MOV10L1: variants seen among roughly 807,000 people sequenced by gnomAD.
The protein encoded by MOV10L1 is Mov10 like RNA helicase 1.
Under a neutral mutation model 143.8 loss-of-function variants are expected in MOV10L1, and 110 were observed. The observed-to-expected ratio is 0.76, with a 90% CI of 0.66 to 0.90. The LOEUF is 0.90. Ranked by LOEUF, MOV10L1 falls within the 40% of genes least tolerant of loss-of-function variation. MOV10L1 has a pLI of 0.00. For missense variants in MOV10L1, 1,406 were observed against 1,526.8 expected (o/e 0.92, Z 1.32); for synonymous variants, 593 against 581.1 (o/e 1.02, Z -0.29).
At chr22:50,148,623 A>G (rs2063214786) in intron 19 of MOV10L1, among the ~76,000 whole-genome samples, 1 of 151,298 alleles carries the variant, frequency 6.6e-6, no homozygotes, top group Admixed American at 6.6e-5. Flanking sequence ...AGGGGCCAGA[A>G]TTGTGGGGAG....
chr22:50,146,061 G>A (rs1245742212), intron 19 of MOV10L1, among the ~76,000 whole-genome samples: 10 of 152,148 alleles, frequency 6.6e-5, no homozygotes, highest in African/African-American at 2.2e-4. Context: ...GAGGCCCCGC[G>A]GTGGGGGAGC....
chr22:50,108,388 T>C (rs1457140396), intron 4 of MOV10L1, 140 bp downstream of exon 4: 3 of 856,920 alleles, frequency 3.5e-6, no homozygotes, highest in Admixed American at 2.0e-5. Context: ...GGAGTGTGTT[T>C]TCCTATTGAC....
chr22:50,117,893 T>C (rs2062226281), intron 9 of MOV10L1, among the ~76,000 whole-genome samples: 1 of 152,114 alleles, frequency 6.6e-6, no homozygotes, highest in Non-Finnish European at 1.5e-5. Context: ...GGAAAGCACT[T>C]CACATCCACG....
At chr22:50,128,954 A>G (rs903793042) in intron 13 of MOV10L1, among the ~76,000 whole-genome samples, 1 of 151,856 alleles carries the variant, frequency 6.6e-6, no homozygotes, top group Admixed American at 6.6e-5. Flanking sequence ...GGTATGAGGC[A>G]CCATGCCCAG....
At position 50,149,760 on chromosome 22, in the gene MOV10L1, T is replaced by A. The variant is rs1260865518; in HGVS notation, c.2727+46T>A. On this transcript the variant is annotated intron_variant, in intron 20 of 26. Coordinates refer to ENST00000262794, the MANE Select transcript of MOV10L1 (RefSeq NM_018995.3). The stretch of plus-strand genomic sequence containing the variant: ...GTGCTGCTTCCTCCTCACCCCGTTC[T>A]CCTGAGGGGATGCAGGCTGCGATCC... The A allele has an allele frequency of 2.0e-6, 3 of 1,533,094 alleles. No individual in the cohort carries two copies. In the South Asian group the frequency reaches 3.5e-5, roughly 18 times the overall value. The allele number at this position is 1,533,094 out of a possible 1,614,324, so 95.0% of individuals were successfully genotyped here.
At chr22:50,100,523 CT>C (rs540993323) in intron 3 of MOV10L1, among the ~76,000 whole-genome samples, 1 of 150,892 alleles carries the variant, frequency 6.6e-6, no homozygotes, top group Non-Finnish European at 1.5e-5. Flanking sequence ...TTCTTTCTTT[CT>C]TTTTTTTGAG....
chr22:50,113,472 C>A, intron 5 of MOV10L1, 176 bp from the exon 6 acceptor site: 2 of 760,178 alleles, frequency 2.6e-6, no homozygotes, highest in Non-Finnish European at 4.1e-6. Context: ...TGAAGTGCAT[C>A]GTTCTCTTCC....
In MOV10L1 at chr22:50,126,356, G is replaced by C. The variant is rs997461203; in HGVS notation, c.1818+84G>C. 8 of 992,542 alleles carry C rather than the reference G, an allele frequency of 8.1e-6. No homozygotes were observed. The African/African-American group carries it at 9.9e-5, about 12-fold the overall frequency. The allele number at this position is 992,542 out of a possible 1,614,324, so 61.5% of individuals were successfully genotyped here. On this transcript the variant is annotated intron_variant, in intron 12 of 26. Transcript: ENST00000262794. ...AGGTAACGTTCTCCCCACGGCTCTT[G>C]GGGAGATGCTCCCATATGCATTGGC...
intron 19 of MOV10L1, 56 bp from the exon 20 acceptor site, chr22:50,149,559 C>A: frequency 6.4e-7 from 1 of 1,552,848 alleles, no homozygotes; most frequent in Non-Finnish European, 8.8e-7. Flanking sequence ...GTGTCAGAGG[C>A]ATCAATTGCT....
intron 3 of MOV10L1, among the ~76,000 whole-genome samples, chr22:50,107,091 T>G (rs1418856002): frequency 6.6e-6 from 1 of 151,492 alleles, no homozygotes; most frequent in Non-Finnish European, 1.5e-5. Flanking sequence ...TTCTTTTTTT[T>G]TGAGACGGTG....
chr22:50,142,204 G>C lies in MOV10L1; in HGVS notation c.2179+15G>C, dbSNP rs2063008683. 2 of 1,594,720 alleles carry C rather than the reference G, an allele frequency of 1.3e-6. No individual in the cohort carries two copies. Among genetic ancestry groups the C allele is most frequent in the Middle Eastern group, 1.7e-4 (1 of 5,982 alleles). On this transcript the variant is annotated intron_variant, in intron 16 of 26. Transcript: ENST00000262794. ...GAGCGATTGGGGTATGTGCTCATGA[G>C]GGGCAAGGAGAAGAGCAACTCTGAG...
Position 50,117,214 on chromosome 22 carries a change from G to A in MOV10L1, c.1317G>A (p.Gly439=), listed in dbSNP as rs1458653720. ...TCTGTTTTTCCGATTTCCTAATTGG[G>A]CGATACCTTGAAGTAAATGTTATCA... is the stretch of plus-strand genomic sequence containing the variant. ...LLLCFSDFLI[G]RYLEVNVISG... The change falls in exon 9 of 27, where the codon GGG becomes GGA. Residue 439 remains glycine, a synonymous_variant. Coordinates refer to ENST00000262794, the MANE Select transcript of MOV10L1 (RefSeq NM_018995.3). The A allele has an allele frequency of 1.2e-6, 2 of 1,613,814 alleles. No homozygotes were observed.
chr22:50,160,336 T>C (rs2063524577), intron 24 of MOV10L1, among the ~76,000 whole-genome samples: 1 of 149,806 alleles, frequency 6.7e-6, no homozygotes, highest in Non-Finnish European at 1.5e-5. Context: ...AAGCTCTGCC[T>C]CCCGGGTTCA....
At chr22:50,124,851 C>T (rs570957019) in intron 10 of MOV10L1, among the ~76,000 whole-genome samples, 4 of 152,232 alleles carry the variant, frequency 2.6e-5, no homozygotes, top group Admixed American at 2.0e-4. Flanking sequence ...GAGCTCTGTT[C>T]AGGCACAGGT....
At chr22:50,108,077 G>T in intron 3 of MOV10L1, 59 bp from the exon 4 acceptor site, 1 of 1,452,382 alleles carries the variant, frequency 6.9e-7, no homozygotes, top group South Asian at 1.2e-5. Flanking sequence ...AGTGCACCAT[G>T]ACCTCAGAAT....
At chr22:50,144,510 T>G (rs901174901) in intron 18 of MOV10L1, among the ~76,000 whole-genome samples, 3 of 152,250 alleles carry the variant, frequency 2.0e-5, no homozygotes, top group African/African-American at 7.2e-5. Context: ...CACATTCCTC[T>G]TTTATTTAAT....
chr22:50,103,955 A>C (rs2147077048), intron 3 of MOV10L1, among the ~76,000 whole-genome samples: 1 of 152,338 alleles, frequency 6.6e-6, no homozygotes, highest in Non-Finnish European at 1.5e-5. Flanking sequence ...GTAATTTATA[A>C]GGAAATAATT....
intron 1 of MOV10L1, chr22:50,090,544 C>A: frequency 6.3e-7 from 1 of 1,599,214 alleles, no homozygotes; most frequent in Non-Finnish European, 8.5e-7. Context: ...AAACGCGGCC[C>A]CGCAGACTTG....
intron 6 of MOV10L1, 56 bp from the exon 7 acceptor site, chr22:50,114,325 G>C: frequency 6.3e-7 from 1 of 1,582,754 alleles, no homozygotes; most frequent in Non-Finnish European, 8.6e-7. Flanking sequence ...TATGATAACT[G>C]AATATTTTGG....
Sources: allele counts gnomAD v4.1 joint callset (sites outside exome capture counted in the v4.1 genomes callset), GRCh38; gene constraint gnomAD v4.1.1; transcripts MANE v1.5; gene names NCBI Gene and HGNC (gene_info 2026-07-23, HGNC 2026-07-21).